MYO9B: variants seen among roughly 807,000 people sequenced by gnomAD.
The protein encoded by MYO9B is unconventional myosin-IXb.
In MYO9B, 71 loss-of-function variants were observed where a neutral mutation model predicts 229.5. That is an observed-to-expected ratio of 0.31 (90% CI 0.26 to 0.38). The LOEUF (loss-of-function observed/expected upper bound fraction) is 0.38. MYO9B is among the 10% of genes least tolerant of loss of function. The probability of loss-of-function intolerance (pLI) is 1.00; values close to 1 mark genes in which losing one functional copy is unlikely to be tolerated. For synonymous variants in MYO9B, 1,185 were observed against 1,235.8 expected (o/e 0.96, Z 0.86); for missense variants, 2,255 against 2,920.5 (o/e 0.77, Z 5.25).
At position 17,147,542 on chromosome 19, in the gene MYO9B, C is replaced by CAAA. The variant is rs71334674; in HGVS notation, c.935+2068_935+2070dup. 4.7e-3 allele frequency among the ~76,000 whole-genome samples: 299 copies of CAAA among 64,138 alleles called. 6 individuals are homozygous for CAAA. The highest frequency in any genetic ancestry group is 6.8e-3 in the African/African-American group (131 of 19,172). The allele number at this position is 64,138 out of a possible 152,430, so 42.1% of individuals were successfully genotyped here. A position where few individuals can be genotyped will look rare whatever the true frequency, so the allele number is the denominator to read the frequency against. ...CTGGGTGACGAGCGAAAGTCCATCTCAAAAAAAAAAAAAAAAAAACCCAAC... is the reference window on the plus strand; with the variant it reads ...CTGGGTGACGAGCGAAAGTCCATCTCAAAAAAAAAAAAAAAAAAAAAACCCAAC... On this transcript the variant is annotated intron_variant, in intron 3 of 39. Transcript: ENST00000682292.
In MYO9B at chr19:17,195,424, G is replaced by C; in HGVS notation, c.3997G>C (p.Asp1333His). ...SPSAMLSQSL[D>H]LSDRHRATGA... ...TAGTGCCATGCTCAGCCAGTCCCTG[G>C]ACCTCAGCGACAGACACCGGGCCAC... The change falls in exon 22 of 40, where the codon GAC becomes CAC. Residue 1333 changes from aspartate to histidine, a missense_variant. Asp to His is a moderately conservative substitution (Grantham distance 81, BLOSUM62 -1). Around this residue, in one of 7 missense-constraint regions of MYO9B, gnomAD observed 679 missense variants for 770.2 expected, o/e 0.88. Coordinates refer to ENST00000682292, the MANE Select transcript of MYO9B (RefSeq NM_004145.4). The surrounding 1 kb of genome is among the most constrained non-coding windows in gnomAD (Gnocchi z 4.5). 6.2e-7 allele frequency: 1 copy of C among 1,607,358 alleles called. No homozygotes were observed. The highest frequency in any genetic ancestry group is 8.5e-7 in the Non-Finnish European group (1 of 1,179,066).
chr19:17,083,623 C>T (rs1055055147), intron 1 of MYO9B, among the ~76,000 whole-genome samples: 1 of 150,706 alleles, frequency 6.6e-6, no homozygotes, highest in African/African-American at 2.4e-5. Flanking sequence ...TCTGACTGAC[C>T]GAAGTCCTAG....
chr19:17,209,508 C>G, intron 35 of MYO9B, 78 bp from the exon 36 acceptor site: 1 of 1,472,510 alleles, frequency 6.8e-7, no homozygotes, highest in Non-Finnish European at 9.1e-7. Context: ...CCCCCAGGCA[C>G]CAGCTAGCAT....
At chr19:17,186,381 G>GC (rs894933521) in intron 18 of MYO9B, among the ~76,000 whole-genome samples, 1 of 152,118 alleles carries the variant, frequency 6.6e-6, no homozygotes, top group Non-Finnish European at 1.5e-5. Flanking sequence ...GACCCTTGGA[G>GC]CCCCCGTGGG....
Position 17,200,361 on chromosome 19 carries a change from A to T in MYO9B, c.4307A>T (p.Glu1436Val). The T allele has an allele frequency of 1.2e-6, 2 of 1,610,170 alleles. No individual in the cohort carries two copies. Among genetic ancestry groups the T allele is most frequent in the Non-Finnish European group, 1.7e-6 (2 of 1,177,998 alleles). ...DKKYSLEGAE[E>V]LENAVSGHVV... ...AAATACAGCCTGGAGGGCGCAGAGG[A>T]GCTGGAGAATGCAGTGTCCGGGCAC... The change falls in exon 25 of 40, where the codon GAG (glutamate) becomes GTG (valine). Residue 1436 changes from glutamate (E) to valine (V), a missense_variant. Coordinates refer to ENST00000682292, the MANE Select transcript of MYO9B (RefSeq NM_004145.4).
At chr19:17,091,154 C>T (rs1428085969) in intron 1 of MYO9B, among the ~76,000 whole-genome samples, 1 of 152,194 alleles carries the variant, frequency 6.6e-6, no homozygotes, top group Non-Finnish European at 1.5e-5. Context: ...CTCCCCAATC[C>T]AGGGAGGGAA....
At chr19:17,197,717 C>A in intron 22 of MYO9B, 75 bp from the exon 23 acceptor site, 1 of 1,566,912 alleles carries the variant, frequency 6.4e-7, no homozygotes, top group Non-Finnish European at 8.8e-7. Flanking sequence ...AAGTGAGAAC[C>A]CAAGAACCAC....
intron 10 of MYO9B, among the ~76,000 whole-genome samples, chr19:17,166,899 G>A (rs1182138150): frequency 6.6e-6 from 1 of 152,016 alleles, no homozygotes; most frequent in African/African-American, 2.4e-5. Context: ...TTATCCATTA[G>A]TGGGCATTTA....
intron 18 of MYO9B, among the ~76,000 whole-genome samples, chr19:17,186,502 G>A (rs1390824957): frequency 1.3e-5 from 2 of 152,124 alleles, no homozygotes; most frequent in Non-Finnish European, 2.9e-5. Flanking sequence ...CTGAGCAGGA[G>A]TGTGGGCTCC....
At chr19:17,157,160 C>CGT in intron 7 of MYO9B, 122 bp downstream of exon 7, 2 of 1,215,948 alleles carry the variant, frequency 1.6e-6, no homozygotes, top group Non-Finnish European at 2.2e-6. Context: ...CAGGACCTCA[C>CGT]GTCTTCCGCT....
At chr19:17,197,538 C>T (rs187972677) in intron 22 of MYO9B, among the ~76,000 whole-genome samples, 1 of 152,294 alleles carries the variant, frequency 6.6e-6, no homozygotes, top group East Asian at 1.9e-4. Context: ...GGGGCTGGCT[C>T]ACTCTCTGGG....
At chr19:17,199,592 C>T (rs1288518953) in intron 24 of MYO9B, among the ~76,000 whole-genome samples, 1 of 151,958 alleles carries the variant, frequency 6.6e-6, no homozygotes, top group Non-Finnish European at 1.5e-5. Context: ...CCGCTCACTG[C>T]AGCCTCCACC....
intron 2 of MYO9B, among the ~76,000 whole-genome samples, chr19:17,144,578 C>T (rs1020176847): frequency 6.6e-6 from 1 of 151,300 alleles, no homozygotes; most frequent in Non-Finnish European, 1.5e-5. Context: ...GCCTGGGTGA[C>T]ATTGTGTGAC....
At chr19:17,201,708 G>A (rs1046507280) in intron 26 of MYO9B, among the ~76,000 whole-genome samples, 5 of 152,094 alleles carry the variant, frequency 3.3e-5, no homozygotes, top group Admixed American at 3.3e-4. Flanking sequence ...GGTACACAGG[G>A]CAGGCCCCAA....
In MYO9B at chr19:17,194,666, G is replaced by A. The variant is rs896955709; in HGVS notation, c.3239G>A (p.Gly1080Glu). 1 of 1,612,798 alleles carries A rather than the reference G, an allele frequency of 6.2e-7. No individual in the cohort carries two copies. Among genetic ancestry groups the A allele is most frequent in the Non-Finnish European group, 8.5e-7 (1 of 1,179,820 alleles). Residue 1080 changes from glycine to glutamate, a missense_variant, in exon 22 of 40, where the codon GGG becomes GAG. Physicochemically the swap from Gly to Glu is moderately conservative, Grantham distance 98. Transcript: ENST00000682292. ...EEGGQGQAAG[G>E]QQVAEQGPEP... ...GGCGGACAGGGTCAGGCGGCTGGAGGGCAGCAGGTAGCTGAGCAGGGGCCG... is the reference window on the plus strand; with the variant it reads ...GGCGGACAGGGTCAGGCGGCTGGAGAGCAGCAGGTAGCTGAGCAGGGGCCG...
At chr19:17,200,869 T>G in intron 26 of MYO9B, 40 bp downstream of exon 26, 1 of 1,594,486 alleles carries the variant, frequency 6.3e-7, no homozygotes, top group Non-Finnish European at 8.6e-7. Flanking sequence ...TGAGGCCCGG[T>G]CCCCAGGGGA....
Position 17,105,657 on chromosome 19 carries a change from C to T in MYO9B, c.840+3100C>T, listed in dbSNP as rs538972175. The stretch of plus-strand genomic sequence containing the variant: ...AGGGAGTTGGGGGCAGGGTCAGACC[C>T]CACCCTTTCTGGAGCCTTGACCTCT... On this transcript the variant is annotated intron_variant, in intron 2 of 39. Transcript: ENST00000682292. Among the ~76,000 whole-genome samples, 194 of 152,240 alleles carry T rather than the reference C, an allele frequency of 1.3e-3. 1 individual carries two copies. Among genetic ancestry groups the T allele is most frequent in the African/African-American group, 4.3e-3 (180 of 41,556 alleles).
chr19:17,117,987 G>A (rs921175483), intron 2 of MYO9B, among the ~76,000 whole-genome samples: 11 of 151,458 alleles, frequency 7.3e-5, no homozygotes, highest in African/African-American at 2.2e-4. Context: ...TCTAGTTAGC[G>A]GGTATGTGAA....
chr19:17,210,762 G>T lies in MYO9B; in HGVS notation c.5844G>T (p.Val1948=). 1 of 1,571,204 alleles carries T rather than the reference G, an allele frequency of 6.4e-7. No individual in the cohort carries two copies. Among genetic ancestry groups the T allele is most frequent in the Non-Finnish European group, 8.6e-7 (1 of 1,158,778 alleles). The change falls in exon 38 of 40, where the codon GTG becomes GTT. Residue 1948 remains valine (V), a synonymous_variant. Coordinates refer to ENST00000682292, the MANE Select transcript of MYO9B (RefSeq NM_004145.4). ...ACATCCAGGAGGAGGAGCTGGAGGT[G>T]CTGCTGGAGGAGGAGGCAGCCGGCG... The part of the protein sequence containing the change: ...TRDIQEEELE[V]LLEEEAAGGD...
Sources: allele counts gnomAD v4.1 joint callset (sites outside exome capture counted in the v4.1 genomes callset), GRCh38; gene constraint gnomAD v4.1.1; regional missense constraint gnomAD v4.1.1; non-coding constraint Gnocchi (gnomAD v3.1); transcripts MANE v1.5; gene names NCBI Gene and HGNC (gene_info 2026-07-23, HGNC 2026-07-21).